Variants in ZNF280D observed in about 807,000 individuals in gnomAD.
ZNF280D encodes zinc finger protein 280D, also known as suppressor of hairy wing homolog 4.
A neutral mutation model predicts 94.7 loss-of-function variants in ZNF280D; 39 were observed. The observed-to-expected ratio is 0.41, with a 90% CI of 0.32 to 0.54. The LOEUF is 0.54. Ranked by LOEUF, ZNF280D falls within the 20% of genes least tolerant of loss-of-function variation. The pLI is 0.22. For synonymous variants in ZNF280D, 398 were observed against 377.6 expected, an observed-to-expected ratio of 1.05 and a Z score of -0.63; for missense variants, 1,090 against 1,149.3, an observed-to-expected ratio of 0.95 and a Z score of 0.75.
At position 56,637,831 on chromosome 15, in the gene ZNF280D, C is replaced by A. The variant is rs375704638; in HGVS notation, c.2260-2581G>T. ...TACACATTGTATTCTTCACACCACA[C>A]CGAGACAAGTTAAAAAAAAAAACTT... On this transcript the variant is annotated intron_variant, in intron 20 of 21. Transcript: ENST00000267807. 6.1e-4 allele frequency among the ~76,000 whole-genome samples: 93 copies of A among 152,070 alleles called. 1 individual carries two copies. The South Asian group carries it at 0.019, about 31-fold the overall frequency.
At position 56,655,821 on chromosome 15, in the gene ZNF280D, A is replaced by T. The variant is rs149923187; in HGVS notation, c.2058-1318T>A. Among the ~76,000 whole-genome samples the T allele has an allele frequency of 2.0e-3, 298 of 152,364 alleles. 1 individual carries two copies. The highest frequency in any genetic ancestry group is 6.9e-3 in the African/African-American group (285 of 41,588). On this transcript the variant is annotated intron_variant, in intron 17 of 21. Coordinates refer to ENST00000267807, the MANE Select transcript of ZNF280D (RefSeq NM_017661.4). Reference sequence around the variant, plus strand: ...TATATTTAATTTCTTATAAGAGTTAAGCACTTGGGAGTTGGTTACACCAAG... The same window carrying T: ...TATATTTAATTTCTTATAAGAGTTATGCACTTGGGAGTTGGTTACACCAAG...
intron 14 of ZNF280D, chr15:56,668,149 A>C (rs1030554640): frequency 3.1e-5 from 14 of 455,202 alleles, no homozygotes; most frequent in African/African-American, 2.8e-4. Context: ...AAAGGAAAGT[A>C]CCCAAAGCCA....
intron 4 of ZNF280D, among the ~76,000 whole-genome samples, chr15:56,701,803 A>C (rs563610230): frequency 1.3e-5 from 2 of 152,204 alleles, no homozygotes; most frequent in East Asian, 3.9e-4. Context: ...TTGCAGACTA[A>C]AGTGAACCAA....
rs778141475 is a variant in ZNF280D, at chr15:56,701,192, C to T, written c.222G>A (p.Lys74=). The T allele has an allele frequency of 1.3e-5, 21 of 1,590,170 alleles. No individual in the cohort carries two copies. Among genetic ancestry groups the T allele is most frequent in the Non-Finnish European group, 1.8e-5 (21 of 1,167,578 alleles). Residue 74 remains lysine, a synonymous_variant, in exon 5 of 22, where the codon AAG becomes AAA. Coordinates refer to ENST00000267807, the MANE Select transcript of ZNF280D (RefSeq NM_017661.4). ...VNPSSYSRGL[K]NGALSRGITA... ...CTGTACCTCGACTGAGTGCACCATT[C>T]TTTAGTCCCCTTGAATATGAGCTGG...
chr15:56,677,709 A>C, intron 11 of ZNF280D, 35 bp from the exon 12 acceptor site: 1 of 886,406 alleles, frequency 1.1e-6, no homozygotes, highest in Non-Finnish European at 1.6e-6. Flanking sequence ...AATAATATTT[A>C]AGATATTAAT....
In ZNF280D at chr15:56,631,367, A is replaced by C. The variant is rs961085059; in HGVS notation, c.*131T>G. ...GTTTGATAACATAGGTTGAACATACAGGTAAAGTGTATGTGTGACCTCCCT... is the reference window on the plus strand; with the variant it reads ...GTTTGATAACATAGGTTGAACATACCGGTAAAGTGTATGTGTGACCTCCCT... On this transcript the variant is annotated 3_prime_UTR_variant, in exon 22 of 22. Transcript: ENST00000267807. The C allele has an allele frequency of 1.0e-5, 9 of 900,108 alleles. No individual in the cohort carries two copies. The African/African-American group carries it at 1.5e-4, about 15-fold the overall frequency. 55.8% of individuals were successfully genotyped at this position (900,108 alleles called of 1,614,324 possible). A position where few individuals can be genotyped will look rare whatever the true frequency, so the allele number is the denominator to read the frequency against.
chr15:56,665,578 A>G (rs1479290073), intron 16 of ZNF280D, among the ~76,000 whole-genome samples: 1 of 152,074 alleles, frequency 6.6e-6, no homozygotes, highest in African/African-American at 2.4e-5. Context: ...TGACAGATGG[A>G]TAAAAAGACA....
intron 10 of ZNF280D, among the ~76,000 whole-genome samples, chr15:56,680,259 C>G (rs1318246399): frequency 2.0e-5 from 3 of 152,058 alleles, no homozygotes; most frequent in Non-Finnish European, 4.4e-5. Flanking sequence ...AAGTTGCCTT[C>G]CCAGTTTTTA....
intron 11 of ZNF280D, among the ~76,000 whole-genome samples, chr15:56,678,090 C>G (rs2055366667): frequency 1.3e-5 from 2 of 151,884 alleles, no homozygotes; most frequent in Admixed American, 1.3e-4. Context: ...TTACTGCAAC[C>G]TCCGTTTCCT....
chr15:56,707,443 G>A (rs2057476426), intron 1 of ZNF280D, 137 bp from the exon 2 acceptor site: 1 of 599,588 alleles, frequency 1.7e-6, no homozygotes, highest in African/African-American at 1.9e-5. Flanking sequence ...TACATAATTG[G>A]TTCATTCCTG....
chr15:56,730,906 T>G (rs777329365), intron 1 of ZNF280D, among the ~76,000 whole-genome samples: 8 of 152,122 alleles, frequency 5.3e-5, no homozygotes, highest in Non-Finnish European at 7.3e-5. Context: ...CAGAAGGAAA[T>G]GCTTACAATG....
chr15:56,648,389 G>T (rs1000979682), intron 19 of ZNF280D, among the ~76,000 whole-genome samples: 3 of 151,998 alleles, frequency 2.0e-5, no homozygotes, highest in Admixed American at 6.6e-5. Context: ...TCGTATGATT[G>T]TGTCAGTTGC....
At chr15:56,661,626 A>C (rs143313270) in intron 16 of ZNF280D, among the ~76,000 whole-genome samples, 10 of 152,270 alleles carry the variant, frequency 6.6e-5, no homozygotes, top group African/African-American at 1.9e-4. Context: ...AGCCTAAGTG[A>C]AATTTACAGA....
chr15:56,721,753 T>C (rs1596676097), intron 1 of ZNF280D, among the ~76,000 whole-genome samples: 1 of 152,188 alleles, frequency 6.6e-6, no homozygotes, highest in Non-Finnish European at 1.5e-5. Flanking sequence ...GCGGGTTTGA[T>C]CTTCTAGCCA....
intron 16 of ZNF280D, among the ~76,000 whole-genome samples, chr15:56,663,701 A>C (rs1309816907): frequency 6.6e-6 from 1 of 152,208 alleles, no homozygotes; most frequent in Non-Finnish European, 1.5e-5. Flanking sequence ...TGTATATTGC[A>C]AACTAATTAG....
intron 6 of ZNF280D, chr15:56,700,710 AG>A: frequency 6.9e-7 from 1 of 1,445,808 alleles, no homozygotes; most frequent in Non-Finnish European, 9.1e-7. Flanking sequence ...GTACCTATTT[AG>A]GCATACTGCC....
intron 1 of ZNF280D, among the ~76,000 whole-genome samples, chr15:56,709,389 G>A (rs2057616582): frequency 6.6e-6 from 1 of 150,984 alleles, no homozygotes. Flanking sequence ...GGAGAAATAG[G>A]AACACTTTTA....
chr15:56,731,602 T>C (rs1835291486), intron 1 of ZNF280D, among the ~76,000 whole-genome samples: 1 of 151,834 alleles, frequency 6.6e-6, no homozygotes, highest in South Asian at 2.1e-4. Context: ...TTAAGGAATA[T>C]TCTTCACTTT....
Position 56,666,754 on chromosome 15 carries a change from T to A in ZNF280D, c.1778A>T (p.Asn593Ile). The A allele has an allele frequency of 1.2e-6, 2 of 1,613,670 alleles. No homozygotes were observed. The highest frequency in any genetic ancestry group is 1.7e-6 in the Non-Finnish European group (2 of 1,179,780). ...CAATGTGCTTTGTTTCTTTTGCATA[T>A]TAGAGATTTTTGGTTTGTATTTAGA... is the stretch of plus-strand genomic sequence containing the variant. ...SKSKYKPKISNMQKKQSTLAS... is the reference protein window; with the variant it reads ...SKSKYKPKISIMQKKQSTLAS... The change falls in exon 15 of 22, where the codon AAT (asparagine) becomes ATT (isoleucine). Residue 593 changes from asparagine (N) to isoleucine (I), a missense_variant. By Grantham distance (149) the Asn-to-Ile change is moderately radical (BLOSUM62 -3). Around this residue, in one of 3 missense-constraint regions of ZNF280D, gnomAD observed 577 missense variants for 568.8 expected, o/e 1.01. Transcript: ENST00000267807.
Sources: gnomAD v4.1 joint callset for allele counts (sites outside exome capture counted in the v4.1 genomes callset) on GRCh38, gnomAD v4.1.1 for gene constraint, gnomAD v4.1.1 regional missense constraint, MANE v1.5 for transcripts, NCBI Gene and HGNC (gene_info 2026-07-23, HGNC 2026-07-21) for gene names.